Variants in ROR2 observed in about 807,000 individuals in gnomAD.
ROR2 encodes ROR family WNT receptor 2.
ROR2 carries 33 observed loss-of-function variants against 74.9 expected under a neutral mutation model. The observed-to-expected ratio is 0.44, with a 90% CI of 0.33 to 0.59. The LOEUF (loss-of-function observed/expected upper bound fraction) is 0.59. Among genes scored for constraint, ROR2 ranks in the 20% least tolerant of loss-of-function variants. The probability of loss-of-function intolerance (pLI) is 0.02; values close to 1 mark genes in which losing one functional copy is unlikely to be tolerated. For synonymous variants in ROR2, 586 were observed against 558.7 expected (o/e 1.05, Z -0.69); for missense variants, 1,216 against 1,313.8 (o/e 0.93, Z 1.15).
rs755144770 is a variant in ROR2, at chr9:91,757,490, T to C, written c.245A>G (p.His82Arg). The C allele has an allele frequency of 6.2e-7, 1 of 1,613,872 alleles. No individual in the cohort carries two copies. The highest frequency in any genetic ancestry group is 8.5e-7 in the Non-Finnish European group (1 of 1,179,990). ...TIVQGQTAIL[H>R]CKVAGNPPPN... ...GGGTGGGTTTCCTGCCACCTTGCAGTGCAGAATTGCCGTCTGGCCTTGGAC... is the reference window on the plus strand; with the variant it reads ...GGGTGGGTTTCCTGCCACCTTGCAGCGCAGAATTGCCGTCTGGCCTTGGAC... The change falls in exon 3 of 9, where the codon CAC becomes CGC. Residue 82 changes from histidine to arginine, a missense_variant. By Grantham distance (29) the His-to-Arg change is conservative. Coordinates refer to ENST00000375708, the MANE Select transcript of ROR2 (RefSeq NM_004560.4).
intron 1 of ROR2, among the ~76,000 whole-genome samples, chr9:91,795,410 T>C (rs1321726779): frequency 6.6e-6 from 1 of 152,234 alleles, no homozygotes; most frequent in Non-Finnish European, 1.5e-5. Context: ...ACTTAAGCAG[T>C]TTAAACTACT....
chr9:91,832,640 C>T (rs370070561), intron 1 of ROR2, among the ~76,000 whole-genome samples: 30 of 152,180 alleles, frequency 2.0e-4, no homozygotes, highest in Non-Finnish European at 2.8e-4. Context: ...GTAGCCTCAG[C>T]GGTGCCCACA....
intron 1 of ROR2, among the ~76,000 whole-genome samples, chr9:91,802,833 G>C (rs77075046): frequency 0.018 from 2,678 of 152,220 alleles, 73 homozygotes; most frequent in East Asian, 0.14. Flanking sequence ...GAAGGCGAAA[G>C]GCATTCAGGG....
chr9:91,815,776 T>C (rs1385844924), intron 1 of ROR2, among the ~76,000 whole-genome samples: 1 of 152,182 alleles, frequency 6.6e-6, no homozygotes, highest in African/African-American at 2.4e-5. Flanking sequence ...AAGGCCCTTC[T>C]CAGTTGATCG....
rs527348206 is a variant in ROR2, at chr9:91,806,487, G to A, written c.98-30669C>T. On this transcript the variant is annotated intron_variant, in intron 1 of 8. Transcript: ENST00000375708. Reference sequence around the variant, plus strand: ...GAGGATTTCAATATAGGCATTTTACGGAGACACAAACATTCAGACCATGGC... The same window carrying A: ...GAGGATTTCAATATAGGCATTTTACAGAGACACAAACATTCAGACCATGGC... 3.9e-5 allele frequency among the ~76,000 whole-genome samples: 6 copies of A among 152,300 alleles called. No individual in the cohort carries two copies. The South Asian group carries it at 6.2e-4, about 16-fold the overall frequency.
intron 1 of ROR2, among the ~76,000 whole-genome samples, chr9:91,830,809 C>CGTGTGTGTGTGTGTGTGTGTGT (rs34963566): frequency 9.3e-5 from 13 of 139,676 alleles, no homozygotes; most frequent in Admixed American, 7.2e-4. Flanking sequence ...TAACTGTGTC[C>CGTGTGTGTGTGTGTGTGTGTGT]GTGTGTGTGT....
intron 1 of ROR2, among the ~76,000 whole-genome samples, chr9:91,820,476 T>C (rs1828103041): frequency 6.6e-6 from 1 of 152,026 alleles, no homozygotes; most frequent in South Asian, 2.1e-4. Flanking sequence ...GCAGAGAAAA[T>C]GCACAGTGGC....
intron 1 of ROR2, among the ~76,000 whole-genome samples, chr9:91,907,160 G>GTCT (rs777631145): frequency 5.3e-5 from 8 of 152,094 alleles, no homozygotes; most frequent in Admixed American, 1.3e-4. Context: ...CTGCATAATT[G>GTCT]TCTTAAGTGA....
chr9:91,814,915 A>G (rs574864377), intron 1 of ROR2, among the ~76,000 whole-genome samples: 100 of 152,228 alleles, frequency 6.6e-4, no homozygotes, highest in Admixed American at 1.4e-3. Context: ...CCACGGGCTT[A>G]GAGAAGCACT....
At chr9:91,876,388 G>T (rs1273282387) in intron 1 of ROR2, among the ~76,000 whole-genome samples, 9 of 151,494 alleles carry the variant, frequency 5.9e-5, no homozygotes, top group African/African-American at 1.9e-4. Flanking sequence ...AAAGTGAAAT[G>T]AAAGTGAAGG....
intron 1 of ROR2, among the ~76,000 whole-genome samples, chr9:91,840,621 G>A (rs17587376): frequency 0.028 from 4,209 of 152,254 alleles, 149 homozygotes; most frequent in Admixed American, 0.11. Flanking sequence ...CAACAGCACC[G>A]CCCATACTTT....
chr9:91,829,170 C>T (rs1180239381), intron 1 of ROR2, among the ~76,000 whole-genome samples: 4 of 152,228 alleles, frequency 2.6e-5, no homozygotes, highest in East Asian at 3.8e-4. Flanking sequence ...GTCGCTTCCG[C>T]GGAGTGCAGC....
At chr9:91,756,664 T>C (rs1050535984) in intron 3 of ROR2, among the ~76,000 whole-genome samples, 15 of 151,226 alleles carry the variant, frequency 9.9e-5, no homozygotes, top group African/African-American at 3.4e-4. Context: ...ACACCTCAGC[T>C]CCTCGTGTGT....
At chr9:91,909,928 T>G (rs1248638500) in intron 1 of ROR2, among the ~76,000 whole-genome samples, 1 of 129,434 alleles carries the variant, frequency 7.7e-6, no homozygotes, top group Non-Finnish European at 1.6e-5. Context: ...AGTGGCGCAA[T>G]CCAGCTCACT....
In ROR2 at chr9:91,735,262, A is replaced by G. The variant is rs1824980912; in HGVS notation, c.623-1826T>C. On this transcript the variant is annotated intron_variant, in intron 5 of 8. Transcript: ENST00000375708. ...CCCTGAATGTCACACAACACTTTCCAACACAACACTGCACACAACGCAGTC... is the reference window on the plus strand; with the variant it reads ...CCCTGAATGTCACACAACACTTTCCGACACAACACTGCACACAACGCAGTC... 1.3e-5 allele frequency among the ~76,000 whole-genome samples: 2 copies of G among 152,230 alleles called. 1 individual carries two copies. The highest frequency in any genetic ancestry group is 4.8e-5 in the African/African-American group (2 of 41,460).
chr9:91,868,771 A>G (rs1330029439), intron 1 of ROR2, among the ~76,000 whole-genome samples: 1 of 152,248 alleles, frequency 6.6e-6, no homozygotes, highest in Non-Finnish European at 1.5e-5. Context: ...GAAAGCTAAT[A>G]GAACTCACTG....
chr9:91,863,525 CAAAAACAAAAACA>C (rs762441690), intron 1 of ROR2, among the ~76,000 whole-genome samples: 67 of 151,896 alleles, frequency 4.4e-4, no homozygotes, highest in Non-Finnish European at 8.0e-4. Flanking sequence ...GAAAAGAAAA[CAAAAACAAAAACA>C]AAAAACAAAA....
At chr9:91,840,474 G>A (rs1329130832) in intron 1 of ROR2, among the ~76,000 whole-genome samples, 2 of 152,270 alleles carry the variant, frequency 1.3e-5, no homozygotes, top group East Asian at 3.9e-4. Context: ...CCACATCACT[G>A]AGACAGGAGA....
At chr9:91,878,139 A>G (rs1040401589) in intron 1 of ROR2, among the ~76,000 whole-genome samples, 1 of 152,116 alleles carries the variant, frequency 6.6e-6, no homozygotes, top group African/African-American at 2.4e-5. Flanking sequence ...GAAAAAAAAC[A>G]CCCTAGAGTA....
Sources: gnomAD v4.1 joint callset for allele counts (sites outside exome capture counted in the v4.1 genomes callset) on GRCh38, gnomAD v4.1.1 for gene constraint, MANE v1.5 for transcripts, NCBI Gene and HGNC (gene_info 2026-07-23, HGNC 2026-07-21) for gene names.